SPIDR: variants seen among roughly 807,000 people sequenced by gnomAD.
The protein encoded by SPIDR is DNA repair-scaffolding protein.
A neutral mutation model predicts 104.6 loss-of-function variants in SPIDR; 93 were observed. The observed-to-expected ratio is 0.89, with a 90% CI of 0.75 to 1.06. SPIDR has a LOEUF of 1.06. Among genes scored for constraint, SPIDR ranks in the 50% least tolerant of loss-of-function variants. SPIDR has a pLI of 0.00. For missense variants in SPIDR, 1,154 were observed against 1,111.2 expected, an observed-to-expected ratio of 1.04 and a Z score of -0.55; for synonymous variants, 431 against 416.9, an observed-to-expected ratio of 1.03 and a Z score of -0.41.
intron 1 of SPIDR, among the ~76,000 whole-genome samples, chr8:47,267,158 T>G (rs1426632478): frequency 1.3e-5 from 2 of 152,158 alleles, no homozygotes; most frequent in Non-Finnish European, 2.9e-5. Flanking sequence ...TATTTCCACC[T>G]TTGGGCTGTT....
chr8:47,270,573 G>A (rs1203350232), intron 1 of SPIDR, among the ~76,000 whole-genome samples: 2 of 151,450 alleles, frequency 1.3e-5, no homozygotes, highest in Non-Finnish European at 2.9e-5. Context: ...CAATTTTGTT[G>A]ATCTTTTTGA....
intron 5 of SPIDR, among the ~76,000 whole-genome samples, chr8:47,357,262 G>A (rs1443823759): frequency 6.6e-6 from 1 of 152,134 alleles, no homozygotes; most frequent in Non-Finnish European, 1.5e-5. Context: ...CAAATTTCTG[G>A]ACCTTGGCAC....
intron 8 of SPIDR, among the ~76,000 whole-genome samples, chr8:47,473,175 C>T (rs1434511402): frequency 1.3e-5 from 2 of 152,214 alleles, no homozygotes; most frequent in Non-Finnish European, 2.9e-5. Flanking sequence ...TAATTTAATA[C>T]AGATTTATTC....
At chr8:47,568,918 T>G (rs893954232) in intron 8 of SPIDR, among the ~76,000 whole-genome samples, 2 of 152,074 alleles carry the variant, frequency 1.3e-5, no homozygotes, top group African/African-American at 4.8e-5. Context: ...TGTAAATGGA[T>G]AACAATTAAA....
intron 5 of SPIDR, among the ~76,000 whole-genome samples, chr8:47,378,691 A>C (rs1273989635): frequency 1.3e-5 from 2 of 152,204 alleles, no homozygotes; most frequent in Non-Finnish European, 2.9e-5. Context: ...ACCCCAAAGT[A>C]ATCTCATGAG....
At chr8:47,411,465 GAA>G (rs1298617948) in intron 7 of SPIDR, among the ~76,000 whole-genome samples, 1 of 152,170 alleles carries the variant, frequency 6.6e-6, no homozygotes, top group Non-Finnish European at 1.5e-5. Flanking sequence ...CTTCTTGTGA[GAA>G]GTGTCTGTTC....
At chr8:47,389,183 C>T (rs2154305710) in intron 5 of SPIDR, among the ~76,000 whole-genome samples, 1 of 152,250 alleles carries the variant, frequency 6.6e-6, no homozygotes, top group East Asian at 1.9e-4. Context: ...AAGATCCTGA[C>T]TTACTCATCT....
intron 5 of SPIDR, among the ~76,000 whole-genome samples, chr8:47,296,902 A>T (rs1176805522): frequency 1.3e-5 from 2 of 152,124 alleles, no homozygotes; most frequent in South Asian, 2.1e-4. Context: ...TGTGTCATCT[A>T]CTATATCTTT....
chr8:47,394,911 G>A (rs182340984), intron 5 of SPIDR, among the ~76,000 whole-genome samples: 2 of 152,294 alleles, frequency 1.3e-5, no homozygotes, highest in African/African-American at 4.8e-5. Flanking sequence ...CTAAAATGGT[G>A]AGGACAGTAG....
chr8:47,331,714 A>G (rs1388735707), intron 5 of SPIDR, among the ~76,000 whole-genome samples: 1 of 152,088 alleles, frequency 6.6e-6, no homozygotes, highest in African/African-American at 2.4e-5. Context: ...TTCTTCAATA[A>G]TAAATTAATC....
chr8:47,641,782 T>G (rs908126151), intron 10 of SPIDR, among the ~76,000 whole-genome samples: 1 of 152,168 alleles, frequency 6.6e-6, no homozygotes, highest in Non-Finnish European at 1.5e-5. Context: ...GACTGCTGCA[T>G]CTTACCCAGC....
At chr8:47,540,105 G>C (rs1281170652) in intron 8 of SPIDR, among the ~76,000 whole-genome samples, 2 of 152,170 alleles carry the variant, frequency 1.3e-5, no homozygotes, top group Non-Finnish European at 2.9e-5. Context: ...GTAGTTCACA[G>C]TTTGAGGGAC....
chr8:47,353,391 G>A (rs1286631939), intron 5 of SPIDR, among the ~76,000 whole-genome samples: 1 of 152,130 alleles, frequency 6.6e-6, no homozygotes, highest in Non-Finnish European at 1.5e-5. Flanking sequence ...TTTCTCTAGG[G>A]CTTTCCACGG....
chr8:47,357,942 C>A, intron 5 of SPIDR: 1 of 795,430 alleles, frequency 1.3e-6, no homozygotes, highest in Non-Finnish European at 1.5e-6. Context: ...TGCATGTAGT[C>A]ACGAATATAT....
intron 8 of SPIDR, among the ~76,000 whole-genome samples, chr8:47,576,472 T>TGCCAAG (rs972503790): frequency 4.0e-5 from 6 of 149,156 alleles, no homozygotes; most frequent in African/African-American, 1.5e-4. Context: ...CTTACTCTAT[T>TGCCAAG]GCCAAGGGTG....
chr8:47,624,734 G>A (rs2065761106), intron 10 of SPIDR, among the ~76,000 whole-genome samples: 1 of 152,128 alleles, frequency 6.6e-6, no homozygotes, highest in South Asian at 2.1e-4. Context: ...CTGAAATTGA[G>A]GCAATAATCA....
chr8:47,665,669 C>T (rs570147931), intron 10 of SPIDR, among the ~76,000 whole-genome samples: 1 of 152,328 alleles, frequency 6.6e-6, no homozygotes, highest in African/African-American at 2.4e-5. Flanking sequence ...CTGCATATCA[C>T]CTGCTAAATA....
intron 7 of SPIDR, among the ~76,000 whole-genome samples, chr8:47,419,421 A>C (rs2064998706): frequency 6.6e-6 from 1 of 152,178 alleles, no homozygotes. Context: ...TGTCTATATT[A>C]TTCTCTGATG....
intron 10 of SPIDR, among the ~76,000 whole-genome samples, chr8:47,664,065 C>G (rs944965773): frequency 7.2e-5 from 11 of 152,200 alleles, no homozygotes; most frequent in Non-Finnish European, 1.2e-4. Flanking sequence ...CTCCACCATC[C>G]AAACTCACTT....
Sources: allele counts gnomAD v4.1 joint callset (sites outside exome capture counted in the v4.1 genomes callset), GRCh38; gene constraint gnomAD v4.1.1; transcripts MANE v1.5; gene names NCBI Gene and HGNC (gene_info 2026-07-23, HGNC 2026-07-21).